SNX13: variants seen among roughly 807,000 people sequenced by gnomAD.
The protein encoded by SNX13 is sorting nexin-13.
Under a neutral mutation model 133.6 loss-of-function variants are expected in SNX13, and 45 were observed. The observed-to-expected ratio is 0.34, with a 90% CI of 0.27 to 0.43. The LOEUF is 0.43. SNX13 is among the 20% of genes least tolerant of loss of function. The pLI, the probability that SNX13 is intolerant of heterozygous loss-of-function variation, is 1.00. For missense variants in SNX13, 1,032 were observed against 1,145.1 expected, an observed-to-expected ratio of 0.90 and a Z score of 1.43; for synonymous variants, 414 against 373.9, an observed-to-expected ratio of 1.11 and a Z score of -1.24.
intron 17 of SNX13, among the ~76,000 whole-genome samples, chr7:17,822,919 G>A (rs560187335): frequency 1.6e-4 from 25 of 152,128 alleles, no homozygotes; most frequent in Non-Finnish European, 2.6e-4. Flanking sequence ...AATTTTTTGT[G>A]GGTGACAGAT....
chr7:17,890,439 T>A lies in SNX13; in HGVS notation c.364A>T (p.Thr122Ser), dbSNP rs1241186676. 6.2e-7 allele frequency: 1 copy of A among 1,608,908 alleles called. No individual in the cohort carries two copies. Among genetic ancestry groups the A allele is most frequent in the Non-Finnish European group, 8.5e-7 (1 of 1,176,410 alleles). Residue 122 changes from threonine (T) to serine (S), a missense_variant, in exon 5 of 26, where the codon ACA (threonine) becomes TCA (serine). Physicochemically the swap from Thr to Ser is moderately conservative, Grantham distance 58. Transcript: ENST00000428135. Reference protein sequence around the residue: ...LRDYVQYWYYTLSDDESFLLE... With the variant: ...LRDYVQYWYYSLSDDESFLLE... ...AGAAAAGATTCATCATCGCTTAGTG[T>A]ATAATACCAATACTGGACATAATCC...
At chr7:17,871,856 G>C (rs989305032) in intron 8 of SNX13, among the ~76,000 whole-genome samples, 3 of 152,098 alleles carry the variant, frequency 2.0e-5, no homozygotes, top group African/African-American at 4.8e-5. Context: ...TTGGCATGAA[G>C]GCTAGAGAGG....
chr7:17,870,936 C>T (rs1223512465), intron 8 of SNX13, among the ~76,000 whole-genome samples: 7 of 151,304 alleles, frequency 4.6e-5, no homozygotes, highest in East Asian at 1.9e-4. Context: ...TCTAAGGAAG[C>T]GACATGTAGT....
At chr7:17,890,295 T>C in intron 5 of SNX13, 68 bp downstream of exon 5, 2 of 1,455,556 alleles carry the variant, frequency 1.4e-6, no homozygotes, top group African/African-American at 1.4e-5. Flanking sequence ...CCCTTAAAAG[T>C]TGTTTTCCTT....
intron 12 of SNX13, among the ~76,000 whole-genome samples, chr7:17,844,144 T>C (rs1341431968): frequency 6.6e-6 from 1 of 151,956 alleles, no homozygotes; most frequent in Admixed American, 6.6e-5. Flanking sequence ...AGTTGATTCT[T>C]TGAAAAGAGT....
chr7:17,815,722 T>C (rs2128298284), intron 19 of SNX13, among the ~76,000 whole-genome samples: 1 of 152,378 alleles, frequency 6.6e-6, no homozygotes, highest in East Asian at 1.9e-4. Context: ...CATTCTAGCT[T>C]GGTTCCTTCA....
rs1286654884 is a variant in SNX13 at position 17,796,971 on chromosome 7, C to T, written c.2514-32G>A. 5.7e-6 allele frequency: 8 copies of T among 1,407,712 alleles called. No individual in the cohort carries two copies. In the East Asian group the frequency reaches 1.8e-4, roughly 32 times the overall value. The allele number at this position is 1,407,712 out of a possible 1,614,324, so 87.2% of individuals were successfully genotyped here. On this transcript the variant is annotated intron_variant, in intron 24 of 25. Coordinates refer to ENST00000428135, the MANE Select transcript of SNX13 (RefSeq NM_015132.5). Reference sequence around the variant, plus strand: ...GAGAAGATTAAATACATTTTGTAAACATTTTCATTTTCTAATGATACAAGT... The same window carrying T: ...GAGAAGATTAAATACATTTTGTAAATATTTTCATTTTCTAATGATACAAGT...
At chr7:17,889,717 C>T (rs1334995140) in intron 5 of SNX13, 3 of 152,042 alleles carry the variant, frequency 2.0e-5, no homozygotes, top group South Asian at 2.1e-4. Context: ...CAAAAAAAAT[C>T]AAGCAGTTTA....
At chr7:17,857,223 A>G (rs1015275797) in intron 9 of SNX13, among the ~76,000 whole-genome samples, 1 of 152,214 alleles carries the variant, frequency 6.6e-6, no homozygotes, top group Non-Finnish European at 1.5e-5. Context: ...GTAACGAGTA[A>G]TAAGACTGAG....
intron 2 of SNX13, among the ~76,000 whole-genome samples, chr7:17,893,934 T>C (rs1321600643): frequency 6.7e-6 from 1 of 149,022 alleles, no homozygotes; most frequent in Non-Finnish European, 1.5e-5. Flanking sequence ...ATCACGCCAC[T>C]GCACTTGAGC....
In SNX13 at chr7:17,791,533, TA is replaced by T. The variant is rs1783538941; in HGVS notation, c.*2511del. 1 of 152,026 alleles carries T rather than the reference TA, an allele frequency of 6.6e-6. No individual in the cohort carries two copies. Among genetic ancestry groups the T allele is most frequent in the Non-Finnish European group, 1.5e-5 (1 of 67,922 alleles). 9.4% of individuals were successfully genotyped at this position (152,026 alleles called of 1,614,324 possible). A position where few individuals can be genotyped will look rare whatever the true frequency, so the allele number is the denominator to read the frequency against. ...AATACAATCAATTTTTTAAGGTGAA[TA>T]AACTATGATGGTTTCTAAATAGTGT... On this transcript the variant is annotated 3_prime_UTR_variant, in exon 26 of 26. Transcript: ENST00000428135.
At position 17,895,155 on chromosome 7, in the gene SNX13, T is replaced by C. The variant is rs189388831; in HGVS notation, c.126-1721A>G. Among the ~76,000 whole-genome samples, 3 of 152,302 alleles carry C rather than the reference T, an allele frequency of 2.0e-5. 1 individual carries two copies. Among genetic ancestry groups the C allele is most frequent in the African/African-American group, 7.2e-5 (3 of 41,560 alleles). On this transcript the variant is annotated intron_variant, in intron 2 of 25. Transcript: ENST00000428135. ...AAGAAACAGACTGATAAGACATTAATTTTTGCCCACAAGTGTGTAACGATA... is the reference window on the plus strand; with the variant it reads ...AAGAAACAGACTGATAAGACATTAACTTTTGCCCACAAGTGTGTAACGATA...
intron 1 of SNX13, chr7:17,898,078 A>T (rs1361175549): frequency 6.8e-6 from 1 of 147,976 alleles, no homozygotes; most frequent in South Asian, 2.1e-4. Flanking sequence ...TCCATACATT[A>T]AAAAAAAAAC....
intron 9 of SNX13, among the ~76,000 whole-genome samples, chr7:17,866,290 A>C (rs1323365203): frequency 6.6e-6 from 1 of 151,866 alleles, no homozygotes; most frequent in African/African-American, 2.4e-5. Flanking sequence ...AAACAACTCA[A>C]TAGGAAAAAA....
At chr7:17,918,498 A>G (rs887031248) in intron 1 of SNX13, among the ~76,000 whole-genome samples, 1 of 152,196 alleles carries the variant, frequency 6.6e-6, no homozygotes. Context: ...AAGACATACA[A>G]GCAGCCAACA....
At chr7:17,862,172 G>C (rs995739294) in intron 9 of SNX13, among the ~76,000 whole-genome samples, 1 of 152,050 alleles carries the variant, frequency 6.6e-6, no homozygotes, top group African/African-American at 2.4e-5. Context: ...GAGACAGAGG[G>C]GAATAAAAAT....
At chr7:17,875,638 T>C (rs769154279) in intron 6 of SNX13, 31 bp downstream of exon 6, 1 of 1,606,334 alleles carries the variant, frequency 6.2e-7, no homozygotes, top group Admixed American at 1.7e-5. Flanking sequence ...GATTTTCAAA[T>C]CCTAGTTTTC....
chr7:17,821,708 G>T (rs766471631), intron 17 of SNX13, 60 bp from the exon 18 acceptor site: 1 of 1,491,200 alleles, frequency 6.7e-7, no homozygotes, highest in South Asian at 1.4e-5. Context: ...AAATGAAGAG[G>T]AACGAAAGAC....
intron 17 of SNX13, among the ~76,000 whole-genome samples, chr7:17,824,624 T>A (rs1227145192): frequency 2.0e-5 from 3 of 151,908 alleles, no homozygotes; most frequent in Admixed American, 6.6e-5. Flanking sequence ...TTTTTTTTTT[T>A]AACTAAATCT....
Sources: allele counts gnomAD v4.1 joint callset (sites outside exome capture counted in the v4.1 genomes callset), GRCh38; gene constraint gnomAD v4.1.1; transcripts MANE v1.5; gene names NCBI Gene and HGNC (gene_info 2026-07-23, HGNC 2026-07-21).